SHISA9: variants seen among roughly 807,000 people sequenced by gnomAD.
SHISA9 encodes protein shisa-9.
A neutral mutation model predicts 38.0 loss-of-function variants in SHISA9; 13 were observed. That is an observed-to-expected ratio of 0.34 (90% CI 0.22 to 0.54). SHISA9 has a LOEUF of 0.54. Ranked by LOEUF, SHISA9 falls within the 20% of genes least tolerant of loss-of-function variation. SHISA9 has a pLI of 0.91. For synonymous variants in SHISA9, 275 were observed against 242.0 expected, an observed-to-expected ratio of 1.14 and a Z score of -1.27; for missense variants, 538 against 575.8, an observed-to-expected ratio of 0.93 and a Z score of 0.67.
At chr16:13,538,519 C>G in the SHISA9 span, among the ~76,000 whole-genome samples, 2 of 152,108 alleles carry the variant, frequency 1.3e-5, no homozygotes, top group Non-Finnish European at 2.9e-5. Flanking sequence ...GGATTTTAAA[C>G]TTTCAACTAA....
At chr16:13,385,213 T>C in the SHISA9 span, among the ~76,000 whole-genome samples, 2 of 152,222 alleles carry the variant, frequency 1.3e-5, no homozygotes, top group African/African-American at 2.4e-5. Flanking sequence ...GAATGTAAAA[T>C]GGTACAGCCA....
chr16:13,253,815 C>G, the SHISA9 span, among the ~76,000 whole-genome samples: 1 of 152,054 alleles, frequency 6.6e-6, no homozygotes, highest in South Asian at 2.1e-4. Context: ...TGAAACGTCC[C>G]CATAAGGTCA....
At chr16:12,938,393 T>A (rs1249996893) in intron 2 of SHISA9, among the ~76,000 whole-genome samples, 1 of 152,194 alleles carries the variant, frequency 6.6e-6, no homozygotes, top group Non-Finnish European at 1.5e-5. Flanking sequence ...AATCGATCTA[T>A]CTGTTTCTTC....
intron 2 of SHISA9, among the ~76,000 whole-genome samples, chr16:13,128,839 G>A (rs61202324): frequency 1.3e-5 from 2 of 152,160 alleles, no homozygotes; most frequent in South Asian, 4.1e-4. Context: ...GTCTGTGTAC[G>A]TGTGTTGTAC....
chr16:12,974,767 A>G (rs572535698), intron 2 of SHISA9, among the ~76,000 whole-genome samples: 15 of 152,076 alleles, frequency 9.9e-5, no homozygotes, highest in African/African-American at 3.4e-4. Context: ...TTCTAAGTCT[A>G]TGTGAAATTG....
chr16:13,231,117 T>A (rs2051327934), intron 4 of SHISA9, among the ~76,000 whole-genome samples: 1 of 152,238 alleles, frequency 6.6e-6, no homozygotes, highest in Non-Finnish European at 1.5e-5. Context: ...CTATTCAAGA[T>A]GGGGTTGCTC....
intron 1 of SHISA9, among the ~76,000 whole-genome samples, chr16:12,907,991 G>A (rs1322170877): frequency 1.3e-5 from 2 of 152,222 alleles, no homozygotes; most frequent in African/African-American, 4.8e-5. Context: ...GATGGCCTGA[G>A]ATTCAATCTC....
intron 2 of SHISA9, among the ~76,000 whole-genome samples, chr16:13,150,661 A>T (rs2050491444): frequency 6.6e-6 from 1 of 152,162 alleles, no homozygotes; most frequent in African/African-American, 2.4e-5. Flanking sequence ...GAATTTTTAA[A>T]AGGAGGTGAT....
chr16:12,970,349 AT>A (rs2072042012), intron 2 of SHISA9, among the ~76,000 whole-genome samples: 2 of 75,006 alleles, frequency 2.7e-5, no homozygotes, highest in African/African-American at 1.1e-4. Context: ...ATATACATAT[AT>A]GTGTATATAT....
rs540865818 is a variant in SHISA9 at position 13,207,675 on chromosome 16, TGAG to T, written c.847+4130_847+4132del. ...TGGTCTTGTGAATCTGGAGGGCCAA[TGAG>T]GAGCAGACTGAGGGATTGCTTGACT... On this transcript the variant is annotated intron_variant, in intron 3 of 4. Coordinates refer to ENST00000558583, the MANE Select transcript of SHISA9 (RefSeq NM_001145204.3). 6.6e-5 allele frequency among the ~76,000 whole-genome samples: 10 copies of T among 152,236 alleles called. No individual in the cohort carries two copies. The South Asian group carries it at 2.1e-3, about 32-fold the overall frequency.
chr16:13,332,422 G>A, the SHISA9 span: 3 of 152,224 alleles, frequency 2.0e-5, no homozygotes, highest in Non-Finnish European at 4.4e-5. Flanking sequence ...AAAGGGCAGG[G>A]AAGAGACCAC....
intron 2 of SHISA9, among the ~76,000 whole-genome samples, chr16:13,032,292 G>C (rs1419284245): frequency 6.6e-6 from 1 of 152,034 alleles, no homozygotes; most frequent in Non-Finnish European, 1.5e-5. Context: ...TTCTGTTCCT[G>C]TGTCAGTTTG....
At chr16:13,093,417 A>G (rs1449551893) in intron 2 of SHISA9, among the ~76,000 whole-genome samples, 2 of 152,188 alleles carry the variant, frequency 1.3e-5, no homozygotes, top group Admixed American at 6.5e-5. Context: ...AGGGATTTAG[A>G]TGGGATTAAC....
chr16:13,250,241 T>C, the SHISA9 span, among the ~76,000 whole-genome samples: 1 of 152,180 alleles, frequency 6.6e-6, no homozygotes, highest in Non-Finnish European at 1.5e-5. Flanking sequence ...AGAAGGAGAC[T>C]TGGAGATAGG....
intron 2 of SHISA9, among the ~76,000 whole-genome samples, chr16:13,180,037 C>T (rs1035387590): frequency 3.3e-5 from 5 of 152,216 alleles, no homozygotes; most frequent in Non-Finnish European, 7.3e-5. Context: ...CAAATGACCT[C>T]TGGCTAATCA....
the SHISA9 span, among the ~76,000 whole-genome samples, chr16:13,398,645 G>A: frequency 2.6e-5 from 4 of 151,894 alleles, no homozygotes; most frequent in East Asian, 7.8e-4. Context: ...TGAGTAGCTG[G>A]AATTACAAGC....
At chr16:13,071,967 C>T (rs984667290) in intron 2 of SHISA9, among the ~76,000 whole-genome samples, 1 of 152,062 alleles carries the variant, frequency 6.6e-6, no homozygotes, top group Non-Finnish European at 1.5e-5. Context: ...TTTCTGACAC[C>T]CGCTCTTCCC....
chr16:12,922,457 A>G (rs937239356), intron 2 of SHISA9, among the ~76,000 whole-genome samples: 3 of 152,172 alleles, frequency 2.0e-5, no homozygotes, highest in Non-Finnish European at 4.4e-5. Flanking sequence ...TGGCTATCTC[A>G]TTAGAGAGGA....
intron 2 of SHISA9, among the ~76,000 whole-genome samples, chr16:13,020,870 CCTT>C (rs940119156): frequency 5.9e-5 from 9 of 152,102 alleles, no homozygotes; most frequent in African/African-American, 2.2e-4. Flanking sequence ...TGTCACTTAC[CCTT>C]CTTTGAGAGC....
Sources: gnomAD v4.1 joint callset for allele counts (sites outside exome capture counted in the v4.1 genomes callset) on GRCh38, gnomAD v4.1.1 for gene constraint, MANE v1.5 for transcripts, NCBI Gene and HGNC (gene_info 2026-07-23, HGNC 2026-07-21) for gene names.